Variants in CHSY3 observed in about 807,000 individuals in gnomAD.
CHSY3 encodes chondroitin sulfate synthase 3, also known as N-acetylgalactosaminyl-proteoglycan 3-beta-glucuronosyltransferase 3.
In CHSY3, 35 loss-of-function variants were observed where a neutral mutation model predicts 67.2. The ratio of observed to expected loss-of-function variants is 0.52; its 90% CI spans 0.40 to 0.69. The LOEUF is 0.69. Ranked by LOEUF, CHSY3 falls within the 30% of genes least tolerant of loss-of-function variation. The probability of loss-of-function intolerance (pLI) is 0.00; values close to 1 mark genes in which losing one functional copy is unlikely to be tolerated. For synonymous variants in CHSY3, 474 were observed against 434.7 expected (o/e 1.09, Z -1.12); for missense variants, 1,069 against 1,138.5 (o/e 0.94, Z 0.88).
In CHSY3 at chr5:130,143,734, G is replaced by GTGTGTATATATATATATA. The variant is rs1223966105; in HGVS notation, c.1087-40494_1087-40493insGTGTATATATATATATAT. ...TATATATATATATGTGTGTGTGTGT[G>GTGTGTATATATATATATA]TATATATATATATATATATATATGT... is the stretch of plus-strand genomic sequence containing the variant. On this transcript the variant is annotated intron_variant, in intron 2 of 2. Coordinates refer to ENST00000305031, the MANE Select transcript of CHSY3 (RefSeq NM_175856.5). Among the ~76,000 whole-genome samples, 219 of 94,646 alleles carry GTGTGTATATATATATATA rather than the reference G, an allele frequency of 2.3e-3. 1 individual carries two copies. The highest frequency in any genetic ancestry group is 3.8e-3 in the Non-Finnish European group (191 of 50,272). The allele number at this position is 94,646 out of a possible 152,430, so 62.1% of individuals were successfully genotyped here. A position where few individuals can be genotyped will look rare whatever the true frequency, so the allele number is the denominator to read the frequency against.
At chr5:130,071,398 C>T (rs1766060252) in intron 2 of CHSY3, among the ~76,000 whole-genome samples, 1 of 151,930 alleles carries the variant, frequency 6.6e-6, no homozygotes, top group African/African-American at 2.4e-5. Context: ...AGAGTTGGGT[C>T]CATCCTCTGA....
intron 2 of CHSY3, among the ~76,000 whole-genome samples, chr5:130,091,969 C>G (rs1766894634): frequency 6.6e-6 from 1 of 152,142 alleles, no homozygotes; most frequent in Non-Finnish European, 1.5e-5. Context: ...GGGGAGTCCA[C>G]AGAGAGAGAC....
At chr5:130,093,064 G>A (rs1766933138) in intron 2 of CHSY3, among the ~76,000 whole-genome samples, 1 of 152,148 alleles carries the variant, frequency 6.6e-6, no homozygotes, top group Non-Finnish European at 1.5e-5. Context: ...TTAAGACTGG[G>A]AGAATCAATT....
intron 2 of CHSY3, among the ~76,000 whole-genome samples, chr5:130,143,826 A>C (rs1312305781): frequency 7.8e-6 from 1 of 128,652 alleles, no homozygotes; most frequent in East Asian, 2.3e-4. Flanking sequence ...ATATATATAT[A>C]TATATATATA....
intron 2 of CHSY3, among the ~76,000 whole-genome samples, chr5:130,138,474 A>G (rs1165982691): frequency 1.3e-5 from 2 of 152,212 alleles, no homozygotes; most frequent in African/African-American, 4.8e-5. Context: ...CCAGCCAGCT[A>G]GGTGGGAAAT....
At chr5:130,065,543 A>G (rs1765857708) in intron 2 of CHSY3, among the ~76,000 whole-genome samples, 1 of 152,016 alleles carries the variant, frequency 6.6e-6, no homozygotes, top group African/African-American at 2.4e-5. Context: ...TCTCTGGGGT[A>G]GCTTCTTGTT....
At chr5:129,911,503 T>G (rs1282887509) in intron 2 of CHSY3, among the ~76,000 whole-genome samples, 1 of 152,182 alleles carries the variant, frequency 6.6e-6, no homozygotes, top group Non-Finnish European at 1.5e-5. Context: ...GTAAAGCCCT[T>G]AATGTAGTGT....
intron 2 of CHSY3, among the ~76,000 whole-genome samples, chr5:130,059,787 A>G (rs1471179778): frequency 6.6e-6 from 1 of 152,198 alleles, no homozygotes; most frequent in Non-Finnish European, 1.5e-5. Context: ...ATACTTTTCA[A>G]AAGAGTTATC....
chr5:129,950,166 C>CAAA (rs34124435), intron 2 of CHSY3, among the ~76,000 whole-genome samples: 6 of 138,978 alleles, frequency 4.3e-5, no homozygotes, highest in African/African-American at 1.1e-4. Flanking sequence ...GACTCCATCT[C>CAAA]AAAAAAAAAA....
intron 2 of CHSY3, among the ~76,000 whole-genome samples, chr5:130,149,431 C>T (rs1167755550): frequency 6.6e-6 from 1 of 152,082 alleles, no homozygotes; most frequent in Non-Finnish European, 1.5e-5. Context: ...AAAGCAGGAG[C>T]AAGAGAGAAT....
intron 2 of CHSY3, among the ~76,000 whole-genome samples, chr5:130,060,318 T>C (rs1298522825): frequency 6.6e-6 from 1 of 152,118 alleles, no homozygotes; most frequent in Non-Finnish European, 1.5e-5. Context: ...AAAAACCATA[T>C]GATCATTCCA....
intron 2 of CHSY3, among the ~76,000 whole-genome samples, chr5:129,955,938 T>C (rs554636279): frequency 2.2e-4 from 34 of 152,206 alleles, no homozygotes; most frequent in Non-Finnish European, 4.6e-4. Context: ...ATCCAGTCTA[T>C]CATTGATGAA....
intron 2 of CHSY3, among the ~76,000 whole-genome samples, chr5:130,073,760 G>A (rs755416502): frequency 1.1e-4 from 16 of 152,194 alleles, no homozygotes; most frequent in East Asian, 7.8e-4. Context: ...TTACATTGTC[G>A]TATTAATCTA....
intron 1 of CHSY3, among the ~76,000 whole-genome samples, chr5:129,906,375 A>G (rs26417): frequency 0.48 from 73,557 of 151,966 alleles, 18,993 homozygotes; most frequent in Middle Eastern, 0.6. Flanking sequence ...GGAAAAGAGG[A>G]AAGCACCCGC....
At chr5:129,949,194 G>T (rs1480951013) in intron 2 of CHSY3, among the ~76,000 whole-genome samples, 1 of 152,146 alleles carries the variant, frequency 6.6e-6, no homozygotes, top group Non-Finnish European at 1.5e-5. Context: ...CAAAATAATA[G>T]TGGGGGACTT....
At chr5:130,172,191 T>G (rs1396324349) in intron 2 of CHSY3, among the ~76,000 whole-genome samples, 4 of 152,206 alleles carry the variant, frequency 2.6e-5, no homozygotes, top group Non-Finnish European at 5.9e-5. Flanking sequence ...AGGAAACATT[T>G]ATAACGAAGT....
chr5:129,924,019 T>A (rs1162915878), intron 2 of CHSY3, among the ~76,000 whole-genome samples: 2 of 152,178 alleles, frequency 1.3e-5, no homozygotes, highest in African/African-American at 4.8e-5. Flanking sequence ...GCCATAGAAT[T>A]AAAAAGTTTA....
At chr5:130,074,402 G>C (rs1766186538) in intron 2 of CHSY3, among the ~76,000 whole-genome samples, 1 of 152,084 alleles carries the variant, frequency 6.6e-6, no homozygotes, top group South Asian at 2.1e-4. Context: ...TACCACACTA[G>C]AAGATATGGC....
At chr5:129,980,605 TAA>T (rs1233817352) in intron 2 of CHSY3, among the ~76,000 whole-genome samples, 2 of 152,198 alleles carry the variant, frequency 1.3e-5, no homozygotes, top group African/African-American at 4.8e-5. Context: ...TCACAGAGCA[TAA>T]GTTTTTAAAT....
Sources: gnomAD v4.1 joint callset for allele counts (sites outside exome capture counted in the v4.1 genomes callset) on GRCh38, gnomAD v4.1.1 for gene constraint, MANE v1.5 for transcripts, NCBI Gene and HGNC (gene_info 2026-07-23, HGNC 2026-07-21) for gene names.